NR1H4: variants seen among roughly 807,000 people sequenced by gnomAD.
NR1H4 encodes nuclear receptor subfamily 1 group H member 4.
Under a neutral mutation model 58.5 loss-of-function variants are expected in NR1H4, and 23 were observed. The observed-to-expected ratio is 0.39, with a 90% CI of 0.28 to 0.56. The LOEUF (loss-of-function observed/expected upper bound fraction) is 0.56. NR1H4 is among the 20% of genes least tolerant of loss of function. The pLI is 0.58. For missense variants in NR1H4, 487 were observed against 576.9 expected (o/e 0.84, Z 1.60); for synonymous variants, 214 against 198.0 (o/e 1.08, Z -0.68).
intron 9 of NR1H4, among the ~76,000 whole-genome samples, chr12:100,544,828 T>C (rs1468271891): frequency 6.6e-6 from 1 of 152,198 alleles, no homozygotes; most frequent in Non-Finnish European, 1.5e-5. Flanking sequence ...GGTTAAACAT[T>C]CTTCTAGACA....
chr12:100,526,449 C>T (rs1183344283), intron 4 of NR1H4, among the ~76,000 whole-genome samples: 3 of 152,070 alleles, frequency 2.0e-5, no homozygotes, highest in Non-Finnish European at 2.9e-5. Context: ...TTTTAGAAAC[C>T]TTTGTGATGT....
intron 9 of NR1H4, among the ~76,000 whole-genome samples, chr12:100,541,274 C>A (rs965774377): frequency 9.2e-5 from 14 of 151,436 alleles, no homozygotes; most frequent in African/African-American, 3.4e-4. Context: ...ACTTTTCTTT[C>A]TTTTTTCTTC....
chr12:100,525,861 G>T (rs1209652063), intron 4 of NR1H4, among the ~76,000 whole-genome samples: 1 of 152,146 alleles, frequency 6.6e-6, no homozygotes, highest in Non-Finnish European at 1.5e-5. Flanking sequence ...AGTTTTGGTA[G>T]GGTATGTCTT....
At chr12:100,546,273 C>G (rs184633115) in intron 9 of NR1H4, among the ~76,000 whole-genome samples, 1 of 152,248 alleles carries the variant, frequency 6.6e-6, no homozygotes, top group Non-Finnish European at 1.5e-5. Flanking sequence ...CAATTCTATG[C>G]CAGACCTAGA....
intron 1 of NR1H4, among the ~76,000 whole-genome samples, chr12:100,476,664 CT>C (rs1172271704): frequency 6.6e-6 from 1 of 152,148 alleles, no homozygotes; most frequent in African/African-American, 2.4e-5. Context: ...TTTCCCTTCC[CT>C]TTGCTCTCAG....
chr12:100,503,294 G>T (rs1300002299), intron 3 of NR1H4: 6 of 1,441,090 alleles, frequency 4.2e-6, no homozygotes, highest in Non-Finnish European at 3.7e-6. Flanking sequence ...CAAATATTCT[G>T]CTCCGTAATG....
chr12:100,527,724 C>T (rs1439557777), intron 4 of NR1H4, among the ~76,000 whole-genome samples: 1 of 152,158 alleles, frequency 6.6e-6, no homozygotes, highest in Admixed American at 6.5e-5. Context: ...TCAATTCCCA[C>T]CTATGAGTGA....
chr12:100,559,547 C>T (rs1955414096), intron 9 of NR1H4, among the ~76,000 whole-genome samples: 1 of 152,334 alleles, frequency 6.6e-6, no homozygotes, highest in South Asian at 2.1e-4. Context: ...GGAGGGTGTA[C>T]TGGGTCCCCC....
chr12:100,485,232 C>A (rs1264476532), intron 1 of NR1H4, among the ~76,000 whole-genome samples: 4 of 152,136 alleles, frequency 2.6e-5, no homozygotes, highest in African/African-American at 9.7e-5. Context: ...ATATTTTAGA[C>A]TTTGCAGACC....
intron 4 of NR1H4, among the ~76,000 whole-genome samples, chr12:100,513,317 T>A (rs975229641): frequency 3.3e-5 from 5 of 151,120 alleles, no homozygotes; most frequent in African/African-American, 9.9e-5. Context: ...CACATTAAAA[T>A]TTTTTTTTAC....
chr12:100,558,518 C>T (rs1955388498), intron 9 of NR1H4, among the ~76,000 whole-genome samples: 1 of 152,130 alleles, frequency 6.6e-6, no homozygotes, highest in Non-Finnish European at 1.5e-5. Flanking sequence ...CCCACTGCAC[C>T]CAGCTAACTT....
Position 100,563,508 on chromosome 12 carries a change from G to C in NR1H4, c.*19G>C. On this transcript the variant is annotated 3_prime_UTR_variant, in exon 11 of 11. Transcript: ENST00000392986. ...GCAGTGATGGGGATTACAGGGGAGG[G>C]GTCTAGCTCCTTTTTCTCTCTCATA... 1 of 1,570,772 alleles carries C rather than the reference G, an allele frequency of 6.4e-7. No homozygotes were observed.
rs35348348 is a variant in NR1H4, at chr12:100,482,733, G to A, written c.-190+8674G>A. Among the ~76,000 whole-genome samples, 265 of 152,320 alleles carry A rather than the reference G, an allele frequency of 1.7e-3. 1 individual carries two copies. The highest frequency in any genetic ancestry group is 6.1e-3 in the African/African-American group (253 of 41,574). Reference sequence around the variant, plus strand: ...CAGGGCTAGGCCTAGAGCTAGGCAAGTGAGGCACTGAGGGTGCAAAATTTA... The same window carrying A: ...CAGGGCTAGGCCTAGAGCTAGGCAAATGAGGCACTGAGGGTGCAAAATTTA... On this transcript the variant is annotated intron_variant, in intron 1 of 10. Transcript: ENST00000392986.
At chr12:100,526,552 T>A (rs7303623) in intron 4 of NR1H4, among the ~76,000 whole-genome samples, 8,578 of 152,214 alleles carry the variant, frequency 0.056, 739 homozygotes, top group African/African-American at 0.19. Flanking sequence ...ATCTGGTCTA[T>A]GTTTGAGAAT....
At chr12:100,538,878 A>G (rs934590250) in intron 8 of NR1H4, among the ~76,000 whole-genome samples, 3 of 152,230 alleles carry the variant, frequency 2.0e-5, no homozygotes, top group Admixed American at 2.0e-4. Flanking sequence ...ATTAACAATG[A>G]AAGAGGAACT....
intron 1 of NR1H4, among the ~76,000 whole-genome samples, chr12:100,485,664 C>A (rs1953476350): frequency 6.6e-6 from 1 of 151,996 alleles, no homozygotes; most frequent in South Asian, 2.1e-4. Context: ...TCCCGAGTAG[C>A]TGGGATTACA....
intron 9 of NR1H4, among the ~76,000 whole-genome samples, chr12:100,545,641 CAAAAAAAAA>C (rs35404680): frequency 1.3e-4 from 1 of 7,860 alleles, no homozygotes; most frequent in African/African-American, 5.2e-4. Flanking sequence ...GACCTTGTCT[CAAAAAAAAA>C]AAAAAAAAAA....
At position 100,561,741 on chromosome 12, in the gene NR1H4, CATATA is replaced by C. The variant is rs34346109; in HGVS notation, c.1079-140_1079-136del. 1,387 of 596,368 alleles carry C rather than the reference CATATA, an allele frequency of 2.3e-3. 10 individuals are homozygous for C. Among genetic ancestry groups the C allele is most frequent in the African/African-American group, 0.022 (1,171 of 54,024 alleles). The allele number at this position is 596,368 out of a possible 1,614,324, so 36.9% of individuals were successfully genotyped here. On this transcript the variant is annotated intron_variant, in intron 9 of 10. Coordinates refer to ENST00000392986, the MANE Select transcript of NR1H4 (RefSeq NM_001206979.2). ...GTCTTCACAATGTCCTTCCTTTGGA[CATATA>C]ATAAAAATAATATAGTCATTATTTG... is the stretch of plus-strand genomic sequence containing the variant.
chr12:100,552,751 T>C (rs1274052972), intron 9 of NR1H4, among the ~76,000 whole-genome samples: 1 of 152,068 alleles, frequency 6.6e-6, no homozygotes, highest in African/African-American at 2.4e-5. Context: ...AGCAAGTCCC[T>C]GTCTCTACAA....
Sources: allele counts gnomAD v4.1 joint callset (sites outside exome capture counted in the v4.1 genomes callset), GRCh38; gene constraint gnomAD v4.1.1; transcripts MANE v1.5; gene names NCBI Gene and HGNC (gene_info 2026-07-23, HGNC 2026-07-21).